Variants in CLCN5 observed in about 807,000 individuals in gnomAD.
The protein encoded by CLCN5 is H(+)/Cl(-) exchange transporter 5.
A neutral mutation model predicts 54.0 loss-of-function variants in CLCN5; 17 were observed. The ratio of observed to expected loss-of-function variants is 0.31; its 90% CI spans 0.22 to 0.47. The LOEUF is 0.47. Among genes scored for constraint, CLCN5 ranks in the 20% least tolerant of loss-of-function variants. CLCN5 has a pLI of 1.00. For synonymous variants in CLCN5, 222 were observed against 233.0 expected, an observed-to-expected ratio of 0.95 and a Z score of 0.43; for missense variants, 448 against 646.7, an observed-to-expected ratio of 0.69 and a Z score of 3.33.
chrX:49,930,673 G>A (rs57030813), intron 3 of CLCN5, among the ~76,000 whole-genome samples: 15,010 of 111,107 alleles, frequency 0.14, 2,477 homozygotes, highest in African/African-American at 0.47. Context: ...AGCATACTCA[G>A]GTCCTGCAGT....
intron 9 of CLCN5, among the ~76,000 whole-genome samples, chrX:50,084,371 T>C (rs1933816846): frequency 9.0e-6 from 1 of 111,056 alleles, no homozygotes; most frequent in South Asian, 3.8e-4. Context: ...GAATTGGTTT[T>C]TTTTGTTTTT....
At chrX:49,935,373 C>T (rs1925890027) in intron 3 of CLCN5, among the ~76,000 whole-genome samples, 1 of 111,964 alleles carries the variant, frequency 8.9e-6, no homozygotes, top group Non-Finnish European at 1.9e-5. Context: ...GCATTGACTG[C>T]ACTTGTTCAA....
At chrX:50,070,444 C>A (rs1037791376) in intron 5 of CLCN5, among the ~76,000 whole-genome samples, 1 of 111,897 alleles carries the variant, frequency 8.9e-6, no homozygotes, top group East Asian at 2.8e-4. Context: ...AAATAAATGT[C>A]AAAGATCTTC....
intron 9 of CLCN5, among the ~76,000 whole-genome samples, chrX:50,083,791 T>A (rs1023340118): frequency 1.8e-5 from 2 of 112,137 alleles, no homozygotes; most frequent in Non-Finnish European, 3.8e-5. Flanking sequence ...TCTTTCACCT[T>A]TTCTGTGTTT....
intron 6 of CLCN5, among the ~76,000 whole-genome samples, chrX:50,073,394 GC>G (rs1933295634): frequency 8.9e-6 from 1 of 111,809 alleles, no homozygotes; most frequent in Non-Finnish European, 1.9e-5. Context: ...GTTTTAGGCT[GC>G]CTGGATTTGA....
At chrX:50,065,941 TC>T (rs1557190742) in intron 4 of CLCN5, among the ~76,000 whole-genome samples, 3 of 92,007 alleles carry the variant, frequency 3.3e-5, no homozygotes. Flanking sequence ...ATATTCTCAC[TC>T]ATAGGTGGGA....
chrX:50,046,295 A>C (rs184111571), intron 4 of CLCN5, among the ~76,000 whole-genome samples: 1 of 112,033 alleles, frequency 8.9e-6, no homozygotes, highest in East Asian at 2.8e-4. Context: ...TACTCATTTG[A>C]TACTTATGGA....
At chrX:49,988,160 C>G (rs1557178481) in intron 3 of CLCN5, among the ~76,000 whole-genome samples, 1 of 111,076 alleles carries the variant, frequency 9.0e-6, no homozygotes, top group African/African-American at 3.3e-5. Context: ...AGCAAGAAAC[C>G]TCAGAGTCCT....
rs1349447598 is a variant in CLCN5, at chrX:50,097,684, G to T, written c.*5465G>T. 1 of 111,251 alleles carries T rather than the reference G, an allele frequency of 9.0e-6. No individual in the cohort carries two copies. Among genetic ancestry groups the T allele is most frequent in the Non-Finnish European group, 1.9e-5 (1 of 53,045 alleles). 9.2% of individuals were successfully genotyped at this position (111,251 alleles called of 1,213,427 possible). ...CTCTTTCTTTTATTATAGGCATGTTGTTTTGAATGTGGACTTTGTGGGAGG... is the reference window on the plus strand; with the variant it reads ...CTCTTTCTTTTATTATAGGCATGTTTTTTTGAATGTGGACTTTGTGGGAGG... On this transcript the variant is annotated 3_prime_UTR_variant, in exon 15 of 15. Coordinates refer to ENST00000376091, the MANE Select transcript of CLCN5 (RefSeq NM_001127898.4).
chrX:49,994,913 C>T (rs1158458946), intron 3 of CLCN5, among the ~76,000 whole-genome samples: 1 of 111,954 alleles, frequency 8.9e-6, no homozygotes, highest in African/African-American at 3.2e-5. Flanking sequence ...AAACATTAGC[C>T]TCTCGCTCTT....
intron 5 of CLCN5, 113 bp downstream of exon 5, chrX:50,070,143 G>C: frequency 4.3e-6 from 3 of 705,054 alleles, no homozygotes; most frequent in Non-Finnish European, 6.4e-6. Flanking sequence ...ACTGAATCTG[G>C]TTTCTGTTGG....
At chrX:49,924,145 A>ATTTTTTTTTTTTTTTTTTTTTTT (rs34424526) in intron 2 of CLCN5, among the ~76,000 whole-genome samples, 14 of 84,467 alleles carry the variant, frequency 1.7e-4, no homozygotes, top group African/African-American at 6.3e-4. Flanking sequence ...CCTAGCTCCT[A>ATTTTTTTTTTTTTTTTTTTTTTT]TTTTTTTTTT....
intron 4 of CLCN5, among the ~76,000 whole-genome samples, chrX:50,065,709 A>G (rs781980848): frequency 4.1e-3 from 433 of 106,057 alleles, no homozygotes; most frequent in Middle Eastern, 0.014. Flanking sequence ...AGATACATGC[A>G]CACGTATGTT....
intron 3 of CLCN5, among the ~76,000 whole-genome samples, chrX:49,945,700 C>T (rs1479034877): frequency 9.7e-6 from 1 of 102,708 alleles, no homozygotes; most frequent in Non-Finnish European, 2.0e-5. Context: ...ATGATCTGCC[C>T]GCCCTGGCCT....
intron 3 of CLCN5, among the ~76,000 whole-genome samples, chrX:49,999,409 C>CTT (rs782377247): frequency 7.7e-5 from 7 of 91,264 alleles, no homozygotes; most frequent in African/African-American, 2.0e-4. Context: ...GTGGACTTTG[C>CTT]TTTTTTTTTT....
At chrX:49,949,488 A>G (rs1410674219) in intron 3 of CLCN5, among the ~76,000 whole-genome samples, 1 of 112,067 alleles carries the variant, frequency 8.9e-6, no homozygotes, top group Admixed American at 9.5e-5. Context: ...TTTGGCTTTT[A>G]ATAACAGCAT....
intron 3 of CLCN5, among the ~76,000 whole-genome samples, chrX:49,934,944 A>T (rs1179801981): frequency 9.0e-6 from 1 of 111,631 alleles, no homozygotes; most frequent in Non-Finnish European, 1.9e-5. Context: ...GCCACCTGTG[A>T]CTCAGCACTG....
intron 4 of CLCN5, chrX:50,067,600 G>A: frequency 1.3e-6 from 1 of 753,616 alleles, no homozygotes; most frequent in Non-Finnish European, 1.6e-6. Flanking sequence ...TTCTTTAGGT[G>A]GCGTTTGTTG....
intron 3 of CLCN5, among the ~76,000 whole-genome samples, chrX:49,984,959 TTTGAGTAC>T (rs1477359354): frequency 9.1e-6 from 1 of 110,075 alleles, no homozygotes; most frequent in Admixed American, 9.7e-5. Flanking sequence ...TTTCTCTCAT[TTTGAGTAC>T]TTGGGCTGTT....
Sources: gnomAD v4.1 joint callset for allele counts (sites outside exome capture counted in the v4.1 genomes callset) on GRCh38, gnomAD v4.1.1 for gene constraint, MANE v1.5 for transcripts, NCBI Gene and HGNC (gene_info 2026-07-23, HGNC 2026-07-21) for gene names.